Variants in C11orf54 observed in about 807,000 individuals in gnomAD.
C11orf54 encodes beta-keto-L-gulonate decarboxylase.
C11orf54 carries 29 observed loss-of-function variants against 35.5 expected under a neutral mutation model. The observed-to-expected ratio is 0.82, with a 90% confidence interval of 0.61 to 1.11. The LOEUF (loss-of-function observed/expected upper bound fraction) is 1.11, where lower values mean the gene tolerates loss of function less well. Among genes scored for constraint, C11orf54 ranks in the 50% most tolerant of loss-of-function variants. The pLI is 0.00. For synonymous variants in C11orf54, 108 were observed against 121.1 expected, an observed-to-expected ratio of 0.89 and a Z score of 0.71; for missense variants, 373 against 369.2, an observed-to-expected ratio of 1.01 and a Z score of -0.08.
At position 93,759,308 on chromosome 11, in the gene C11orf54, T is replaced by C. The variant is rs184488887; in HGVS notation, c.658-434T>C. ...GGTACATATACACCATGGAATACTA[T>C]GCAGCCATAAAAAAGGATGAATTTA... On this transcript the variant is annotated intron_variant, in intron 7 of 8. Coordinates refer to ENST00000354421, the MANE Select transcript of C11orf54 (RefSeq NM_001286069.2). 6.6e-5 allele frequency among the ~76,000 whole-genome samples: 10 copies of C among 152,326 alleles called. No homozygotes were observed. In the East Asian group the frequency reaches 1.9e-3, roughly 29 times the overall value.
intron 8 of C11orf54, among the ~76,000 whole-genome samples, chr11:93,760,483 C>T (rs1008806982): frequency 6.7e-6 from 1 of 149,936 alleles, no homozygotes; most frequent in Non-Finnish European, 1.5e-5. Flanking sequence ...AAGTTTGAGA[C>T]CAGCCTGGGT....
rs751331386 is a variant in C11orf54 at position 93,757,378 on chromosome 11, G to C, written c.570G>C (p.Glu190Asp). Residue 190 changes from glutamate (E) to aspartate (D), a missense_variant, in exon 7 of 9, where the codon GAG becomes GAC. Transcript: ENST00000354421. ...TTAACTTTGTGACTTGTATGAGAGA[G>C]ACCCTGGAAAAACATTATGGAAATA... ...GPLNFVTCMR[E>D]TLEKHYGNKP... The C allele has an allele frequency of 1.9e-6, 3 of 1,598,098 alleles. No individual in the cohort carries two copies. The highest frequency in any genetic ancestry group is 1.7e-5 in the Admixed American group (1 of 59,980).
At chr11:93,747,476 T>A (rs1942537894) in intron 2 of C11orf54, 28 bp downstream of exon 2, 2 of 1,548,084 alleles carry the variant, frequency 1.3e-6, no homozygotes, top group Non-Finnish European at 1.8e-6. Flanking sequence ...TTTGGATTTT[T>A]AAAAATTATC....
intron 8 of C11orf54, 33 bp downstream of exon 8, chr11:93,759,891 C>T (rs546720382): frequency 1.6e-6 from 2 of 1,216,706 alleles, no homozygotes; most frequent in East Asian, 4.8e-5. Context: ...TATTATACTA[C>T]AATGATAATG....
At position 93,748,846 on chromosome 11, in the gene C11orf54, AAAAG is replaced by A. The variant is rs1334351667; in HGVS notation, c.55+1410_55+1413del. ...ACGAGACTCAGTCTCAAAAAAAAAAAAAAGAAAGAAAGAAATTGGCAAGGTGCGG... is the reference window on the plus strand; with the variant it reads ...ACGAGACTCAGTCTCAAAAAAAAAAAAAAGAAAGAAATTGGCAAGGTGCGG... On this transcript the variant is annotated intron_variant, in intron 2 of 8. Transcript: ENST00000354421. Among the ~76,000 whole-genome samples, 35 of 151,874 alleles carry A rather than the reference AAAAG, an allele frequency of 2.3e-4. 1 individual carries two copies. Among genetic ancestry groups the A allele is most frequent in the South Asian group, 8.3e-4 (4 of 4,808 alleles).
intron 3 of C11orf54, among the ~76,000 whole-genome samples, chr11:93,751,656 G>A (rs549510560): frequency 2.2e-4 from 34 of 151,612 alleles, no homozygotes; most frequent in African/African-American, 8.2e-4. Context: ...CGCCCACCTC[G>A]GCCTTCCAAA....
chr11:93,754,372 C>T lies in C11orf54; in HGVS notation c.330+335C>T, dbSNP rs970534406. On this transcript the variant is annotated intron_variant, in intron 5 of 8. Coordinates refer to ENST00000354421, the MANE Select transcript of C11orf54 (RefSeq NM_001286069.2). ...TAAATCTTTGCTTTGGGTATGCAGGCAGCTTTGGATTAGAAGATGAATGGA... is the reference window on the plus strand; with the variant it reads ...TAAATCTTTGCTTTGGGTATGCAGGTAGCTTTGGATTAGAAGATGAATGGA... Among the ~76,000 whole-genome samples the T allele has an allele frequency of 4.8e-4, 73 of 152,252 alleles. 1 individual carries two copies. Among genetic ancestry groups the T allele is most frequent in the Admixed American group, 3.9e-3 (60 of 15,298 alleles).
intron 7 of C11orf54, among the ~76,000 whole-genome samples, chr11:93,758,605 G>T (rs1215074282): frequency 1.3e-5 from 2 of 152,374 alleles, no homozygotes; most frequent in South Asian, 2.1e-4. Flanking sequence ...GTCAGGCAGA[G>T]CCCGGTCGCT....
At chr11:93,759,130 A>AACAC (rs1420385345) in intron 7 of C11orf54, among the ~76,000 whole-genome samples, 1 of 152,214 alleles carries the variant, frequency 6.6e-6, no homozygotes, top group Non-Finnish European at 1.5e-5. Context: ...AACTGGAAAT[A>AACAC]CCATTTGACC....
rs1317331194 is a variant in C11orf54, at chr11:93,763,583, A to G, written c.*1895A>G. 6.6e-6 allele frequency: 1 copy of G among 151,960 alleles called. No homozygotes were observed. The highest frequency in any genetic ancestry group is 1.5e-5 in the Non-Finnish European group (1 of 67,952). 9.4% of individuals were successfully genotyped at this position (151,960 alleles called of 1,614,324 possible). The stretch of plus-strand genomic sequence containing the variant: ...AACAGAGAGAGACCCCCATCTCTGC[A>G]AAAAAAGAAAAAAAATTTTTTAATT... On this transcript the variant is annotated 3_prime_UTR_variant, in exon 9 of 9. Coordinates refer to ENST00000354421, the MANE Select transcript of C11orf54 (RefSeq NM_001286069.2).
Position 93,761,740 on chromosome 11 carries a change from T to C in C11orf54, c.*52T>C. The stretch of plus-strand genomic sequence containing the variant: ...AAATAATTAAGGTTAATTAATTGAT[T>C]GACTTATTAATTAATACTGATATAA... On this transcript the variant is annotated 3_prime_UTR_variant, in exon 9 of 9. Coordinates refer to ENST00000354421, the MANE Select transcript of C11orf54 (RefSeq NM_001286069.2). 2 of 1,456,454 alleles carry C rather than the reference T, an allele frequency of 1.4e-6. No individual in the cohort carries two copies. Among genetic ancestry groups the C allele is most frequent in the Non-Finnish European group, 1.9e-6 (2 of 1,076,806 alleles). 90.2% of individuals were successfully genotyped at this position (1,456,454 alleles called of 1,614,324 possible).
intron 1 of C11orf54, among the ~76,000 whole-genome samples, chr11:93,744,839 G>A (rs668546): frequency 0.22 from 32,749 of 152,148 alleles, 3,855 homozygotes; most frequent in Middle Eastern, 0.3. Context: ...GACCTGCACC[G>A]GCACTGGTAT....
chr11:93,749,261 C>G (rs995973005), intron 2 of C11orf54, among the ~76,000 whole-genome samples: 1 of 151,794 alleles, frequency 6.6e-6, no homozygotes. Context: ...GTGAGCAGAT[C>G]TCTTAAGCCC....
chr11:93,757,050 CTTGTCT>C (rs2135657421), intron 6 of C11orf54, among the ~76,000 whole-genome samples: 2 of 152,200 alleles, frequency 1.3e-5, no homozygotes, highest in Admixed American at 6.5e-5. Context: ...CACTGAGAAA[CTTGTCT>C]TTCTCAGTTT....
chr11:93,741,949 A>G (rs1047516096), intron 1 of C11orf54: 3 of 175,062 alleles, frequency 1.7e-5, no homozygotes, highest in Non-Finnish European at 3.7e-5. Context: ...TCCTTTGTCT[A>G]TTTCTGCCTT....
At chr11:93,755,045 T>C in intron 5 of C11orf54, 165 bp from the exon 6 acceptor site, 1 of 773,018 alleles carries the variant, frequency 1.3e-6, no homozygotes. Context: ...CCTATAAATG[T>C]TTTCCAAGTT....
intron 1 of C11orf54, chr11:93,742,695 C>G (rs1942179208): frequency 6.6e-6 from 1 of 152,228 alleles, no homozygotes; most frequent in African/African-American, 2.4e-5. Context: ...GTAATCTGGT[C>G]TCTTTACCTG....
chr11:93,761,411 C>A lies in C11orf54; in HGVS notation c.775-104C>A, dbSNP rs1439102989. The A allele has an allele frequency of 8.6e-6, 9 of 1,041,094 alleles. No homozygotes were observed. The East Asian group carries it at 2.3e-4, about 26-fold the overall frequency. The allele number at this position is 1,041,094 out of a possible 1,614,324, so 64.5% of individuals were successfully genotyped here. On this transcript the variant is annotated intron_variant, in intron 8 of 8. Coordinates refer to ENST00000354421, the MANE Select transcript of C11orf54 (RefSeq NM_001286069.2). ...GAATTTAGAACATGTGAATGTATTACCTATTTAAAAAATAAAAACTATTGC... is the reference window on the plus strand; with the variant it reads ...GAATTTAGAACATGTGAATGTATTAACTATTTAAAAAATAAAAACTATTGC...
chr11:93,753,944 T>G lies in C11orf54; in HGVS notation c.237T>G (p.Asp79Glu). ...LPLVNQKKVY[D>E]LNKIAKEIKL... is the part of the protein sequence containing the mutation. ...TTTTTCCTCTTCTATAGGTTTATGA[T>G]CTGAATAAAATTGCAAAAGAAATCA... Residue 79 changes from aspartate to glutamate, a missense_variant, in exon 5 of 9, where the codon GAT (aspartate) becomes GAG (glutamate). Coordinates refer to ENST00000354421, the MANE Select transcript of C11orf54 (RefSeq NM_001286069.2). The G allele has an allele frequency of 1.2e-6, 2 of 1,613,914 alleles. No homozygotes were observed. Among genetic ancestry groups the G allele is most frequent in the Non-Finnish European group, 1.7e-6 (2 of 1,179,824 alleles).
Sources: gnomAD v4.1 joint callset for allele counts (sites outside exome capture counted in the v4.1 genomes callset) on GRCh38, gnomAD v4.1.1 for gene constraint, MANE v1.5 for transcripts, NCBI Gene and HGNC (gene_info 2026-07-23, HGNC 2026-07-21) for gene names.